The following EVI5 variants were observed in gnomAD, a reference collection of about 807,000 sequenced individuals.
The protein encoded by EVI5 is ecotropic viral integration site 5 protein homolog.
In EVI5, 73 loss-of-function variants were observed where a neutral mutation model predicts 112.0. The ratio of observed to expected loss-of-function variants is 0.65; its 90% CI spans 0.54 to 0.79. The LOEUF (loss-of-function observed/expected upper bound fraction) is 0.79, where lower values mean the gene tolerates loss of function less well. EVI5 is among the 30% of genes least tolerant of loss of function. The pLI is 0.00. For synonymous variants in EVI5, 305 were observed against 319.9 expected (o/e 0.95, Z 0.50); for missense variants, 900 against 968.8 (o/e 0.93, Z 0.94).
chr1:92,719,826 G>A (rs1361605498), intron 2 of EVI5, among the ~76,000 whole-genome samples: 1 of 151,914 alleles, frequency 6.6e-6, no homozygotes, highest in Non-Finnish European at 1.5e-5. Flanking sequence ...ATCTCCTTAA[G>A]CTGATAAGCA....
At chr1:92,681,430 C>T (rs894527972) in intron 9 of EVI5, among the ~76,000 whole-genome samples, 1 of 151,990 alleles carries the variant, frequency 6.6e-6, no homozygotes, top group African/African-American at 2.4e-5. Context: ...AAGAGTATAT[C>T]GTACCCCCTT....
intron 19 of EVI5, among the ~76,000 whole-genome samples, chr1:92,542,789 T>C (rs72964709): frequency 9.0e-4 from 137 of 152,344 alleles, no homozygotes; most frequent in African/African-American, 3.2e-3. Flanking sequence ...TTAATCACCA[T>C]GTACATCTGC....
intron 1 of EVI5, among the ~76,000 whole-genome samples, chr1:92,742,745 C>T (rs754350590): frequency 2.6e-5 from 4 of 152,044 alleles, no homozygotes; most frequent in Non-Finnish European, 4.4e-5. Context: ...ATTTCACACA[C>T]ATTTTGATGG....
At chr1:92,562,799 G>GC (rs1480021406) in intron 19 of EVI5, among the ~76,000 whole-genome samples, 1 of 152,180 alleles carries the variant, frequency 6.6e-6, no homozygotes, top group East Asian at 1.9e-4. Context: ...TACCAGGAAA[G>GC]GGTAACGTCT....
intron 18 of EVI5, among the ~76,000 whole-genome samples, chr1:92,592,666 C>A (rs897857005): frequency 6.6e-6 from 1 of 152,012 alleles, no homozygotes; most frequent in Admixed American, 6.6e-5. Context: ...AATAAATAGA[C>A]CACTAGCAAG....
intron 13 of EVI5, among the ~76,000 whole-genome samples, chr1:92,641,402 C>T (rs1436891572): frequency 2.0e-5 from 3 of 152,032 alleles, no homozygotes; most frequent in Non-Finnish European, 2.9e-5. Flanking sequence ...AACAAAATCC[C>T]TGTATTATAT....
chr1:92,666,600 G>A (rs1377505972), intron 10 of EVI5, among the ~76,000 whole-genome samples: 1 of 145,244 alleles, frequency 6.9e-6, no homozygotes, highest in East Asian at 2.0e-4. Context: ...AGGGAGGGGA[G>A]GGGAGGGGAA....
At chr1:92,710,006 A>G (rs1672596800) in intron 2 of EVI5, among the ~76,000 whole-genome samples, 1 of 150,982 alleles carries the variant, frequency 6.6e-6, no homozygotes, top group Non-Finnish European at 1.5e-5. Context: ...GCTAGTGAGA[A>G]GTATATCTAA....
At chr1:92,613,076 C>T (rs1652253297) in intron 16 of EVI5, among the ~76,000 whole-genome samples, 1 of 152,158 alleles carries the variant, frequency 6.6e-6, no homozygotes, top group African/African-American at 2.4e-5. Context: ...CTAAACCTTG[C>T]CTGTCTCCTC....
At chr1:92,765,192 G>C (rs990634549) in intron 1 of EVI5, among the ~76,000 whole-genome samples, 1 of 146,800 alleles carries the variant, frequency 6.8e-6, no homozygotes, top group African/African-American at 2.5e-5. Context: ...TTTCATCTGA[G>C]GTTTCTGCAT....
intron 13 of EVI5, among the ~76,000 whole-genome samples, chr1:92,656,053 T>C (rs761477906): frequency 2.0e-5 from 3 of 152,116 alleles, no homozygotes; most frequent in Non-Finnish European, 2.9e-5. Flanking sequence ...TGGACTCTAA[T>C]AGACATTTAT....
intron 14 of EVI5, among the ~76,000 whole-genome samples, chr1:92,626,149 A>G (rs1201243847): frequency 1.3e-5 from 2 of 152,122 alleles, no homozygotes; most frequent in African/African-American, 4.8e-5. Context: ...ACCATGACCT[A>G]ATTTCAGAAT....
chr1:92,568,372 TTAA>T (rs1557806578), intron 18 of EVI5, among the ~76,000 whole-genome samples: 17 of 16,224 alleles, frequency 1.0e-3, no homozygotes, highest in Admixed American at 4.1e-3. Flanking sequence ...AAAACCTATC[TTAA>T]AAAAAAAAAA....
intron 13 of EVI5, among the ~76,000 whole-genome samples, chr1:92,646,495 G>A (rs1399847091): frequency 1.3e-5 from 2 of 152,190 alleles, no homozygotes; most frequent in African/African-American, 4.8e-5. Context: ...CTAAATGGCT[G>A]AACATTACAG....
intron 19 of EVI5, among the ~76,000 whole-genome samples, chr1:92,548,600 TC>T (rs1186621561): frequency 6.6e-6 from 1 of 152,124 alleles, no homozygotes; most frequent in Admixed American, 6.6e-5. Context: ...GAAAACCCCA[TC>T]GTCTCAGCCC....
At chr1:92,517,139 T>A (rs1218393667) in intron 19 of EVI5, among the ~76,000 whole-genome samples, 3 of 152,214 alleles carry the variant, frequency 2.0e-5, no homozygotes, top group African/African-American at 7.2e-5. Context: ...CATTCATGGA[T>A]TCAAACAATT....
At chr1:92,599,123 T>C (rs1648575568) in intron 18 of EVI5, among the ~76,000 whole-genome samples, 1 of 151,848 alleles carries the variant, frequency 6.6e-6, no homozygotes, top group Admixed American at 6.6e-5. Flanking sequence ...TTATAGTATT[T>C]ATAAAAATGA....
At chr1:92,790,516 T>A (rs901354448) in intron 1 of EVI5, among the ~76,000 whole-genome samples, 1 of 151,934 alleles carries the variant, frequency 6.6e-6, no homozygotes, top group African/African-American at 2.4e-5. Context: ...AAACTGGTTT[T>A]TTTTTTTGGT....
intron 19 of EVI5, among the ~76,000 whole-genome samples, chr1:92,553,581 G>A (rs1212205318): frequency 7.9e-5 from 12 of 151,984 alleles, no homozygotes; most frequent in African/African-American, 2.9e-4. Context: ...GATTACAGGC[G>A]TGAGCCACCG....
Sources: allele counts gnomAD v4.1 joint callset (sites outside exome capture counted in the v4.1 genomes callset), GRCh38; gene constraint gnomAD v4.1.1; transcripts MANE v1.5; gene names NCBI Gene and HGNC (gene_info 2026-07-23, HGNC 2026-07-21).